The following ASGR2 variants were observed in gnomAD, a reference collection of about 807,000 sequenced individuals.
ASGR2 encodes the protein asialoglycoprotein receptor 2.
A neutral mutation model predicts 32.3 loss-of-function variants in ASGR2; 34 were observed. The observed-to-expected ratio is 1.05, with a 90% CI of 0.80 to 1.40. The LOEUF is 1.40. Among genes scored for constraint, ASGR2 ranks in the 40% most tolerant of loss-of-function variants. The pLI, the probability that ASGR2 is intolerant of heterozygous loss-of-function variation, is 0.00. For synonymous variants in ASGR2, 143 were observed against 150.0 expected (o/e 0.95, Z 0.34); for missense variants, 385 against 386.4 (o/e 1.00, Z 0.03).
At chr17:7,104,915 G>T (rs557754094) in intron 7 of ASGR2, among the ~76,000 whole-genome samples, 8 of 150,972 alleles carry the variant, frequency 5.3e-5, no homozygotes, top group African/African-American at 2.0e-4. Flanking sequence ...GGCAGAGGTT[G>T]CAGTGAGCCA....
At chr17:7,105,289 G>T (rs573632986) in intron 7 of ASGR2, among the ~76,000 whole-genome samples, 1 of 152,018 alleles carries the variant, frequency 6.6e-6, no homozygotes, top group Non-Finnish European at 1.5e-5. Flanking sequence ...GAAAGGACTA[G>T]GGTTAAACAT....
Position 7,108,008 on chromosome 17 carries a change from CCACCTCCTGG to C in ASGR2, c.338-111_338-102del. ...GCCTCGTCCTGGGCGATGCAGGCGTCCACCTCCTGGCTTCCTGGACCACACCCAGGCTCCC... is the reference window on the plus strand; with the variant it reads ...GCCTCGTCCTGGGCGATGCAGGCGTCCTTCCTGGACCACACCCAGGCTCCC... On this transcript the variant is annotated intron_variant, in intron 4 of 8. Coordinates refer to ENST00000691900, the MANE Select transcript of ASGR2 (RefSeq NM_001201352.2). This position sits in a 1 kb window ranked among gnomAD's most constrained non-coding sequence, Gnocchi z 4.9. 1 of 1,384,280 alleles carries C rather than the reference CCACCTCCTGG, an allele frequency of 7.2e-7. No homozygotes were observed. The highest frequency in any genetic ancestry group is 2.4e-5 in the East Asian group (1 of 40,850). The allele number at this position is 1,384,280 out of a possible 1,614,324, so 85.7% of individuals were successfully genotyped here.
rs1567763806 is a variant in ASGR2 at position 7,107,659 on chromosome 17, C to CAG, written c.409+175_409+176dup. ...TATACACCACACTACACACCACACA[C>CAG]AGATCCATGACATATCACACCACAC... is the stretch of plus-strand genomic sequence containing the variant. On this transcript the variant is annotated intron_variant, in intron 5 of 8. Coordinates refer to ENST00000691900, the MANE Select transcript of ASGR2 (RefSeq NM_001201352.2). The surrounding 1 kb of genome is among the most constrained non-coding windows in gnomAD (Gnocchi z 5.0). 1 of 820,636 alleles carries CAG rather than the reference C, an allele frequency of 1.2e-6. No homozygotes were observed. Among genetic ancestry groups the CAG allele is most frequent in the African/African-American group, 1.7e-5 (1 of 59,428 alleles). The allele number at this position is 820,636 out of a possible 1,614,324, so 50.8% of individuals were successfully genotyped here.
At chr17:7,104,908 A>T (rs562370132) in intron 7 of ASGR2, among the ~76,000 whole-genome samples, 5 of 151,552 alleles carry the variant, frequency 3.3e-5, no homozygotes, top group African/African-American at 1.2e-4. Flanking sequence ...CCTGGGAGGC[A>T]GAGGTTGCAG....
At position 7,112,923 on chromosome 17, in the gene ASGR2, T is replaced by G. The variant is rs181294922; in HGVS notation, c.124+1194A>C. 7.6e-3 allele frequency among the ~76,000 whole-genome samples: 1,157 copies of G among 152,262 alleles called. 19 individuals carry two copies. Among genetic ancestry groups the G allele is most frequent in the African/African-American group, 0.026 (1,092 of 41,534 alleles). ...TGGCTCTTGCCCTTCTGCCTAGCACTGCTCAGATCTCTCTCACCTTAAAAT... is the reference window on the plus strand; with the variant it reads ...TGGCTCTTGCCCTTCTGCCTAGCACGGCTCAGATCTCTCTCACCTTAAAAT... On this transcript the variant is annotated intron_variant, in intron 2 of 8. Transcript: ENST00000691900.
chr17:7,106,586 G>T (rs2151714199), intron 7 of ASGR2, among the ~76,000 whole-genome samples: 1 of 152,250 alleles, frequency 6.6e-6, no homozygotes, highest in African/African-American at 2.4e-5. Context: ...GTATCATATG[G>T]CTTAACTACT....
rs938615967 is a variant in ASGR2 at position 7,113,701 on chromosome 17, AAC to A, written c.124+414_124+415del. ...ATATACTCACACAACATACACACAC[AAC>A]ACACTCTCACACACAACATACCCTC... On this transcript the variant is annotated intron_variant, in intron 2 of 8. Transcript: ENST00000691900. The surrounding 1 kb of genome is among the most constrained non-coding windows in gnomAD (Gnocchi z 5.1). Among the ~76,000 whole-genome samples, 5 of 148,418 alleles carry A rather than the reference AAC, an allele frequency of 3.4e-5. No individual in the cohort carries two copies. The highest frequency in any genetic ancestry group is 2.0e-4 in the East Asian group (1 of 4,938).
At chr17:7,104,073 G>A (rs1913247719) in intron 7 of ASGR2, among the ~76,000 whole-genome samples, 1 of 151,912 alleles carries the variant, frequency 6.6e-6, no homozygotes, top group African/African-American at 2.4e-5. Flanking sequence ...AAAAGCCCAG[G>A]TGTGGTGGCT....
rs1317430869 is a variant in ASGR2 at position 7,113,661 on chromosome 17, CAA to C, written c.124+454_124+455del. ...ACAACACACAACATACACTCACACA[CAA>C]GATACACACAACATATACTCACACA... is the stretch of plus-strand genomic sequence containing the variant. On this transcript the variant is annotated intron_variant, in intron 2 of 8. Transcript: ENST00000691900. This position sits in a 1 kb window ranked among gnomAD's most constrained non-coding sequence, Gnocchi z 5.1. Among the ~76,000 whole-genome samples the C allele has an allele frequency of 6.6e-6, 1 of 151,872 alleles. No homozygotes were observed. The highest frequency in any genetic ancestry group is 6.6e-5 in the Admixed American group (1 of 15,242).
rs201702172 is a variant in ASGR2 at position 7,113,527 on chromosome 17, TACAC to T, written c.124+586_124+589del. On this transcript the variant is annotated intron_variant, in intron 2 of 8. Coordinates refer to ENST00000691900, the MANE Select transcript of ASGR2 (RefSeq NM_001201352.2). The surrounding 1 kb of genome is among the most constrained non-coding windows in gnomAD (Gnocchi z 5.1). ...ATACACAACGTACACACACACAACA[TACAC>T]ACACTCATACACAACATACATACAC... Among the ~76,000 whole-genome samples, 137 of 87,258 alleles carry T rather than the reference TACAC, an allele frequency of 1.6e-3. No homozygotes were observed. Among genetic ancestry groups the T allele is most frequent in the African/African-American group, 4.0e-3 (111 of 27,524 alleles). 57.2% of individuals were successfully genotyped at this position (87,258 alleles called of 152,430 possible). A position where few individuals can be genotyped will look rare whatever the true frequency, so the allele number is the denominator to read the frequency against.
Position 7,101,791 on chromosome 17 carries a change from C to G in ASGR2, c.756-51G>C, listed in dbSNP as rs374291921. 1.9e-5 allele frequency: 30 copies of G among 1,585,472 alleles called. No homozygotes were observed. In the African/African-American group the frequency reaches 3.8e-4, roughly 20 times the overall value. On this transcript the variant is annotated intron_variant, in intron 8 of 8. Coordinates refer to ENST00000691900, the MANE Select transcript of ASGR2 (RefSeq NM_001201352.2). Reference sequence around the variant, plus strand: ...CTCTGCCACGGTGGTGAGAAAGCGACTTACCCATCCTCCTCCTCTTCATGA... The same window carrying G: ...CTCTGCCACGGTGGTGAGAAAGCGAGTTACCCATCCTCCTCCTCTTCATGA...
rs1912793155 is a variant in ASGR2 at position 7,101,479 on chromosome 17, C to T, written c.*96G>A. ...CTCTTTGCTCAGCTCTTCCCCATAC[C>T]CCTGTCTCAGTGTTTCTTCCTTTCC... is the stretch of plus-strand genomic sequence containing the variant. On this transcript the variant is annotated 3_prime_UTR_variant, in exon 9 of 9. Transcript: ENST00000691900. 2.0e-6 allele frequency: 3 copies of T among 1,505,726 alleles called. No homozygotes were observed. The highest frequency in any genetic ancestry group is 2.7e-6 in the Non-Finnish European group (3 of 1,117,504). 93.3% of individuals were successfully genotyped at this position (1,505,726 alleles called of 1,614,324 possible). A position where few individuals can be genotyped will look rare whatever the true frequency, so the allele number is the denominator to read the frequency against.
chr17:7,108,401 T>C lies in ASGR2; in HGVS notation c.337+61A>G. On this transcript the variant is annotated intron_variant, in intron 4 of 8. Coordinates refer to ENST00000691900, the MANE Select transcript of ASGR2 (RefSeq NM_001201352.2). This position sits in a 1 kb window ranked among gnomAD's most constrained non-coding sequence, Gnocchi z 4.9. Reference sequence around the variant, plus strand: ...CACCCCACACAGCCCTGTTGCAGACTCGGCACTGAGCCCAGCAAACCTGTG... The same window carrying C: ...CACCCCACACAGCCCTGTTGCAGACCCGGCACTGAGCCCAGCAAACCTGTG... 1 of 1,508,374 alleles carries C rather than the reference T, an allele frequency of 6.6e-7. No individual in the cohort carries two copies. The highest frequency in any genetic ancestry group is 9.0e-7 in the Non-Finnish European group (1 of 1,115,204). The allele number at this position is 1,508,374 out of a possible 1,614,324, so 93.4% of individuals were successfully genotyped here.
intron 2 of ASGR2, among the ~76,000 whole-genome samples, chr17:7,110,501 A>G (rs758720629): frequency 6.6e-6 from 1 of 152,120 alleles, no homozygotes; most frequent in Non-Finnish European, 1.5e-5. Flanking sequence ...ACGTGTCTGT[A>G]TATCCACCCT....
chr17:7,114,755 G>C lies in ASGR2; in HGVS notation c.-211C>G, dbSNP rs1018501464. The C allele has an allele frequency of 6.5e-5, 65 of 1,000,612 alleles. No homozygotes were observed. The East Asian group carries it at 2.4e-3, about 37-fold the overall frequency. 62.0% of individuals were successfully genotyped at this position (1,000,612 alleles called of 1,614,324 possible). ...TGGAGGAGGGGCTGGTCCGGGCAAG[G>C]CCTGCACTGGAGGGTCTGAGTGTCC... is the stretch of plus-strand genomic sequence containing the variant. On this transcript the variant is annotated 5_prime_UTR_variant, in exon 1 of 9. Coordinates refer to ENST00000691900, the MANE Select transcript of ASGR2 (RefSeq NM_001201352.2). This position sits in a 1 kb window ranked among gnomAD's most constrained non-coding sequence, Gnocchi z 4.5.
Position 7,113,441 on chromosome 17 carries a change from C to G in ASGR2, c.124+676G>C, listed in dbSNP as rs1451976848. Among the ~76,000 whole-genome samples, 2 of 143,426 alleles carry G rather than the reference C, an allele frequency of 1.4e-5. No homozygotes were observed. Among genetic ancestry groups the G allele is most frequent in the African/African-American group, 5.3e-5 (2 of 37,930 alleles). 94.1% of individuals were successfully genotyped at this position (143,426 alleles called of 152,430 possible). On this transcript the variant is annotated intron_variant, in intron 2 of 8. Transcript: ENST00000691900. The surrounding 1 kb of genome is among the most constrained non-coding windows in gnomAD (Gnocchi z 5.1). ...ACACACACGCACAACATACACAACA[C>G]TCACACAACACACAAACATACATAC...
At chr17:7,104,952 G>A (rs1961401649) in intron 7 of ASGR2, among the ~76,000 whole-genome samples, 1 of 151,248 alleles carries the variant, frequency 6.6e-6, no homozygotes, top group Non-Finnish European at 1.5e-5. Flanking sequence ...CTCCAGCCTG[G>A]GCGACAGAGC....
chr17:7,101,610 C>T lies in ASGR2; in HGVS notation c.886G>A (p.Glu296Lys), dbSNP rs764389644. ...TCGCCGGTGGCATTCCGCCTTTTCT[C>T]ACACACCCAGCGGTACACCTGCAGG... is the stretch of plus-strand genomic sequence containing the variant. ...FCLQVYRWVCEKRRNATGEVA is the reference protein window; with the variant it reads ...FCLQVYRWVCKKRRNATGEVA Residue 296 changes from glutamate (E) to lysine (K), a missense_variant, in exon 9 of 9, where the codon GAG (glutamate) becomes AAG (lysine). Physicochemically the swap from Glu to Lys is moderately conservative, Grantham distance 56. Transcript: ENST00000691900. 2.5e-6 allele frequency: 4 copies of T among 1,614,214 alleles called. No homozygotes were observed. Among genetic ancestry groups the T allele is most frequent in the South Asian group, 1.1e-5 (1 of 91,080 alleles).
intron 8 of ASGR2, 62 bp from the exon 9 acceptor site, chr17:7,101,802 T>C: frequency 6.4e-7 from 1 of 1,569,442 alleles, no homozygotes; most frequent in Middle Eastern, 1.7e-4. Context: ...TTACCCATCC[T>C]CCTCCTCTTC....
Sources: gnomAD v4.1 joint callset for allele counts (sites outside exome capture counted in the v4.1 genomes callset) on GRCh38, gnomAD v4.1.1 for gene constraint, Gnocchi (gnomAD v3.1) non-coding constraint, MANE v1.5 for transcripts, NCBI Gene and HGNC (gene_info 2026-07-23, HGNC 2026-07-21) for gene names.